The following SDK1 variants were observed in gnomAD, a reference collection of about 807,000 sequenced individuals.
SDK1 encodes the protein sidekick cell adhesion molecule 1.
In SDK1, 157 loss-of-function variants were observed where a neutral mutation model predicts 245.5. That is an observed-to-expected ratio of 0.64 (90% CI 0.56 to 0.73). SDK1 has a LOEUF of 0.73. Ranked by LOEUF, SDK1 falls within the 30% of genes least tolerant of loss-of-function variation. SDK1 has a pLI of 0.00. For synonymous variants in SDK1, 1,647 were observed against 1,278.5 expected, an observed-to-expected ratio of 1.29 and a Z score of -6.15; for missense variants, 3,583 against 3,002.3, an observed-to-expected ratio of 1.19 and a Z score of -4.52.
chr7:3,388,080 G>C (rs556648280), intron 1 of SDK1, among the ~76,000 whole-genome samples: 5 of 152,284 alleles, frequency 3.3e-5, no homozygotes, highest in Non-Finnish European at 7.3e-5. Flanking sequence ...GGCACTCTGG[G>C]AATCTGGAGA....
Position 4,184,236 on chromosome 7 carries a change from C to T in SDK1, c.5098+5650C>T, listed in dbSNP as rs116763765. Among the ~76,000 whole-genome samples, 172 of 152,326 alleles carry T rather than the reference C, an allele frequency of 1.1e-3. 1 individual carries two copies. Among genetic ancestry groups the T allele is most frequent in the African/African-American group, 3.9e-3 (163 of 41,570 alleles). ...CACAAACTCGTGGGCCCGAAATGCT[C>T]AAAGGCTTTTATGAAAACTAAGACT... On this transcript the variant is annotated intron_variant, in intron 35 of 44. Transcript: ENST00000404826.
At chr7:4,211,938 G>A (rs1378004936) in intron 38 of SDK1, among the ~76,000 whole-genome samples, 1 of 152,164 alleles carries the variant, frequency 6.6e-6, no homozygotes, top group Non-Finnish European at 1.5e-5. Flanking sequence ...AGTGCCTTCT[G>A]TGTCCCTCTC....
chr7:3,946,283 T>A (rs910394748), intron 5 of SDK1, among the ~76,000 whole-genome samples: 15 of 151,988 alleles, frequency 9.9e-5, no homozygotes, highest in African/African-American at 3.6e-4. Context: ...GCTCAAGTGA[T>A]CCTCCTGCCT....
intron 22 of SDK1, among the ~76,000 whole-genome samples, chr7:4,105,397 C>G (rs895664757): frequency 1.3e-5 from 2 of 151,948 alleles, no homozygotes; most frequent in South Asian, 2.1e-4. Context: ...TCCTCCACCC[C>G]CCTGGTTCAA....
At chr7:3,669,615 G>C (rs1316573406) in intron 4 of SDK1, among the ~76,000 whole-genome samples, 2 of 151,950 alleles carry the variant, frequency 1.3e-5, no homozygotes, top group African/African-American at 2.4e-5. Context: ...TTAAACCTTG[G>C]ATTTCCTCAA....
At chr7:3,705,642 A>G (rs1179158686) in intron 4 of SDK1, among the ~76,000 whole-genome samples, 1 of 152,120 alleles carries the variant, frequency 6.6e-6, no homozygotes. Context: ...TATCGAATCA[A>G]GTAGTCCTTT....
chr7:3,397,510 T>A (rs1778751381), intron 1 of SDK1, among the ~76,000 whole-genome samples: 1 of 151,324 alleles, frequency 6.6e-6, no homozygotes, highest in Non-Finnish European at 1.5e-5. Flanking sequence ...ATATGTCACA[T>A]CAGTGCCTTC....
At chr7:4,131,494 C>A (rs372832324) in intron 27 of SDK1, among the ~76,000 whole-genome samples, 1 of 152,222 alleles carries the variant, frequency 6.6e-6, no homozygotes, top group Non-Finnish European at 1.5e-5. Flanking sequence ...AGCTTCATAG[C>A]CAGGGACAGA....
chr7:4,067,221 A>C (rs1301044276), intron 19 of SDK1, among the ~76,000 whole-genome samples: 1 of 152,224 alleles, frequency 6.6e-6, no homozygotes, highest in Admixed American at 6.5e-5. Flanking sequence ...CCAGCGTTCA[A>C]GCGTAACTCT....
chr7:4,146,435 ACATGTGAG>A (rs1347151080), intron 29 of SDK1, among the ~76,000 whole-genome samples: 1 of 149,990 alleles, frequency 6.7e-6, no homozygotes, highest in Non-Finnish European at 1.5e-5. Flanking sequence ...CTGCTCTCAG[ACATGTGAG>A]CATTGCATAA....
At chr7:3,476,871 G>A (rs1781361301) in intron 1 of SDK1, among the ~76,000 whole-genome samples, 1 of 152,166 alleles carries the variant, frequency 6.6e-6, no homozygotes, top group South Asian at 2.1e-4. Context: ...AGAGATGGGT[G>A]TATAACTAGG....
intron 5 of SDK1, among the ~76,000 whole-genome samples, chr7:3,832,795 C>CTTT (rs1583459905): frequency 6.6e-6 from 1 of 152,022 alleles, no homozygotes; most frequent in Non-Finnish European, 1.5e-5. Context: ...GCCTGCACCC[C>CTTT]TTTACCTTTT....
chr7:3,690,012 T>A (rs776412308), intron 4 of SDK1, among the ~76,000 whole-genome samples: 21 of 152,248 alleles, frequency 1.4e-4, no homozygotes, highest in Non-Finnish European at 2.5e-4. Context: ...CAAAATATAT[T>A]TGCTAAATGT....
At chr7:4,246,491 C>A (rs549746361) in intron 44 of SDK1, among the ~76,000 whole-genome samples, 1 of 152,106 alleles carries the variant, frequency 6.6e-6, no homozygotes, top group Non-Finnish European at 1.5e-5. Flanking sequence ...AGGGTGGCAG[C>A]GGGTCTGATC....
intron 4 of SDK1, among the ~76,000 whole-genome samples, chr7:3,687,557 C>T (rs768195082): frequency 4.6e-5 from 7 of 152,112 alleles, no homozygotes; most frequent in South Asian, 2.1e-4. Flanking sequence ...TGTGAACTGT[C>T]GATGCACACG....
intron 4 of SDK1, among the ~76,000 whole-genome samples, chr7:3,711,840 A>G (rs1297528541): frequency 6.6e-6 from 1 of 152,020 alleles, no homozygotes; most frequent in African/African-American, 2.4e-5. Flanking sequence ...TGATCTTTTG[A>G]TTTGACTCCT....
intron 5 of SDK1, among the ~76,000 whole-genome samples, chr7:3,940,526 G>A (rs898269991): frequency 4.6e-5 from 7 of 152,190 alleles, no homozygotes; most frequent in South Asian, 4.2e-4. Flanking sequence ...TGTCCTCAGC[G>A]GACTCCCTGG....
chr7:4,033,174 A>G (rs930648563), intron 17 of SDK1, among the ~76,000 whole-genome samples: 1 of 152,228 alleles, frequency 6.6e-6, no homozygotes, highest in African/African-American at 2.4e-5. Context: ...ATGGCAATTT[A>G]GTATATAATA....
chr7:3,758,219 C>T (rs1179568975), intron 4 of SDK1, among the ~76,000 whole-genome samples: 1 of 152,180 alleles, frequency 6.6e-6, no homozygotes, highest in Admixed American at 6.5e-5. Flanking sequence ...ATCTGTTTTT[C>T]CTAAACTTTC....
Sources: allele counts gnomAD v4.1 joint callset (sites outside exome capture counted in the v4.1 genomes callset), GRCh38; gene constraint gnomAD v4.1.1; transcripts MANE v1.5; gene names NCBI Gene and HGNC (gene_info 2026-07-23, HGNC 2026-07-21).